Variants in TRAF2 observed in about 807,000 individuals in gnomAD.
The protein encoded by TRAF2 is TNF receptor-associated factor 2.
Under a neutral mutation model 55.6 loss-of-function variants are expected in TRAF2, and 6 were observed. That is an observed-to-expected ratio of 0.11 (90% CI 0.06 to 0.21). The LOEUF (loss-of-function observed/expected upper bound fraction) is 0.21, where lower values mean the gene tolerates loss of function less well. Ranked by LOEUF, TRAF2 falls within the 10% of genes least tolerant of loss-of-function variation. TRAF2 has a pLI of 1.00. For missense variants in TRAF2, 561 were observed against 684.5 expected, an observed-to-expected ratio of 0.82 and a Z score of 2.01; for synonymous variants, 329 against 276.3, an observed-to-expected ratio of 1.19 and a Z score of -1.89.
rs778344037 is a variant in TRAF2 at position 136,898,800 on chromosome 9, C to T, written c.60C>T (p.Ser20=). ...GSLELLQPGF[S]KTLLGTKLEA... is the part of the protein sequence containing the mutation. The stretch of plus-strand genomic sequence containing the variant: ...TGGAGTTGCTACAGCCCGGCTTCTC[C>T]AAGACCCTCCTGGGGACCAAGCTGG... The change falls in exon 2 of 11, where the codon TCC becomes TCT. Residue 20 remains serine (S), a synonymous_variant. Transcript: ENST00000247668. 1.2e-5 allele frequency: 20 copies of T among 1,613,788 alleles called. No homozygotes were observed. The highest frequency in any genetic ancestry group is 1.6e-5 in the Non-Finnish European group (19 of 1,180,038).
upstream of TRAF2, among the ~76,000 whole-genome samples, chr9:136,885,619 T>A (rs1344187660): frequency 6.6e-6 from 1 of 152,104 alleles, no homozygotes; most frequent in Non-Finnish European, 1.5e-5. Flanking sequence ...AATACAAACA[T>A]TAGCCGGGCG....
intron 5 of TRAF2, 88 bp from the exon 6 acceptor site, chr9:136,909,832 C>A: frequency 7.2e-7 from 1 of 1,386,456 alleles, no homozygotes; most frequent in Non-Finnish European, 1.0e-6. Context: ...GGCCCCTCGG[C>A]GCTGCCCAGC....
chr9:136,911,443 C>T (rs1203775922), intron 6 of TRAF2, among the ~76,000 whole-genome samples: 1 of 151,956 alleles, frequency 6.6e-6, no homozygotes, highest in Admixed American at 6.6e-5. Flanking sequence ...TTTGTATTTT[C>T]AGTAGAGATG....
chr9:136,883,465 A>G (rs949308738), upstream of TRAF2, among the ~76,000 whole-genome samples: 1 of 152,186 alleles, frequency 6.6e-6, no homozygotes. Flanking sequence ...GAAAGCTGTT[A>G]GAATGACTTT....
intron 1 of TRAF2, among the ~76,000 whole-genome samples, chr9:136,898,186 G>A (rs1849729856): frequency 6.6e-6 from 1 of 152,248 alleles, no homozygotes; most frequent in Non-Finnish European, 1.5e-5. Flanking sequence ...TCTAGGGGCT[G>A]GTCTGGCGGC....
chr9:136,915,693 G>A (rs1390534695), intron 6 of TRAF2, among the ~76,000 whole-genome samples: 1 of 152,138 alleles, frequency 6.6e-6, no homozygotes, highest in Admixed American at 6.5e-5. Context: ...GCAGAGCCTC[G>A]AGGCGGTTCT....
rs1430011620 is a variant in TRAF2, at chr9:136,921,031, C to G, written c.961-7C>G. The stretch of plus-strand genomic sequence containing the variant: ...GTAAGAGGGAAGGTGGTCTTGGCAC[C>G]CGGCAGGTGCAGCAGCTGGAGAGGA... On this transcript the variant is annotated splice_polypyrimidine_tract_variant and splice_region_variant and intron_variant, in intron 8 of 10. Transcript: ENST00000247668. The G allele has an allele frequency of 6.2e-7, 1 of 1,613,232 alleles. No individual in the cohort carries two copies. Among genetic ancestry groups the G allele is most frequent in the African/African-American group, 1.3e-5 (1 of 74,904 alleles).
Position 136,920,214 on chromosome 9 carries a change from T to G in TRAF2, c.679-20T>G. On this transcript the variant is annotated intron_variant, in intron 7 of 10. Coordinates refer to ENST00000247668, the MANE Select transcript of TRAF2 (RefSeq NM_021138.4). ...CGAATGGTGGATGGAGCCAGCAGCC[T>G]CCCTGCCCTGTGTCCGCAGGTAGAG... 1.3e-6 allele frequency: 2 copies of G among 1,594,830 alleles called. No homozygotes were observed. Among genetic ancestry groups the G allele is most frequent in the South Asian group, 2.2e-5 (2 of 89,922 alleles).
intron 7 of TRAF2, among the ~76,000 whole-genome samples, chr9:136,916,870 C>T (rs1302368822): frequency 6.6e-6 from 1 of 152,166 alleles, no homozygotes; most frequent in Admixed American, 6.6e-5. Flanking sequence ...TGTGTGTGCC[C>T]ACCTGTCGCC....
At position 136,925,745 on chromosome 9, in the gene TRAF2, C is replaced by G. The variant is rs756823534; in HGVS notation, c.1350C>G (p.Asp450Glu). 1.2e-6 allele frequency: 2 copies of G among 1,614,260 alleles called. No individual in the cohort carries two copies. Among genetic ancestry groups the G allele is most frequent in the Non-Finnish European group, 1.7e-6 (2 of 1,180,054 alleles). The change falls in exon 11 of 11, where the codon GAC (aspartate) becomes GAG (glutamate). Residue 450 changes from aspartate to glutamate, a missense_variant. Around this residue, in one of 2 missense-constraint regions of TRAF2, gnomAD observed 135 missense variants for 207.7 expected, o/e 0.65. Coordinates refer to ENST00000247668, the MANE Select transcript of TRAF2 (RefSeq NM_021138.4). ...REHVIDAFRP[D>E]VTSSSFQRPV... ...ACGTGATTGACGCCTTCAGGCCCGA[C>G]GTGACTTCATCCTCTTTTCAGAGGC...
intron 4 of TRAF2, among the ~76,000 whole-genome samples, chr9:136,902,723 G>C (rs1489690420): frequency 6.6e-6 from 1 of 152,194 alleles, no homozygotes; most frequent in Non-Finnish European, 1.5e-5. Flanking sequence ...TGTCACACAT[G>C]GGGACGGAAA....
chr9:136,912,842 ACAAGT>A lies in TRAF2; in HGVS notation c.603+2853_603+2857del, dbSNP rs1261538126. Reference sequence around the variant, plus strand: ...ACAGAGTGAGAGCCTGTCTAAAAAAACAAGTCAAGGCCAGTTGTGGTGGCTCACAT... The same window carrying A: ...ACAGAGTGAGAGCCTGTCTAAAAAAACAAGGCCAGTTGTGGTGGCTCACAT... On this transcript the variant is annotated intron_variant, in intron 6 of 10. Transcript: ENST00000247668. Among the ~76,000 whole-genome samples the A allele has an allele frequency of 2.1e-4, 32 of 152,288 alleles. No individual in the cohort carries two copies. The Middle Eastern group carries it at 0.01, about 49-fold the overall frequency.
intron 6 of TRAF2, among the ~76,000 whole-genome samples, chr9:136,910,788 C>T (rs1438298359): frequency 6.6e-6 from 1 of 152,236 alleles, no homozygotes; most frequent in African/African-American, 2.4e-5. Context: ...AGGTCACAGC[C>T]CAAGTCCTGA....
Position 136,926,129 on chromosome 9 carries a change from G to C in TRAF2, c.*228G>C, listed in dbSNP as rs562054845. On this transcript the variant is annotated 3_prime_UTR_variant, in exon 11 of 11. Transcript: ENST00000247668. ...GGGCTTGGCAGACGGTCTTAGCCAA[G>C]GGCTGTGGTGGCATTGGCCGAGGGT... The C allele has an allele frequency of 6.9e-5, 50 of 726,336 alleles. No homozygotes were observed. In the African/African-American group the frequency reaches 7.2e-4, roughly 10 times the overall value. The allele number at this position is 726,336 out of a possible 1,614,324, so 45.0% of individuals were successfully genotyped here.
rs773177141 is a variant in TRAF2, at chr9:136,898,946, G to C, written c.188+18G>C. The C allele has an allele frequency of 1.1e-5, 18 of 1,585,878 alleles. No homozygotes were observed. In the African/African-American group the frequency reaches 1.2e-4, roughly 11 times the overall value. On this transcript the variant is annotated intron_variant, in intron 2 of 10. Coordinates refer to ENST00000247668, the MANE Select transcript of TRAF2 (RefSeq NM_021138.4). ...ATCCTCAGGTGCATGGGGCCTGCAG[G>C]CTGGGAGGAGGGGCAGGCAGGCTAG...
upstream of TRAF2, chr9:136,886,386 A>G (rs1564401292): frequency 4.1e-6 from 4 of 985,032 alleles, no homozygotes; most frequent in Non-Finnish European, 4.8e-6. Flanking sequence ...AGCGGGGCGT[A>G]TCTGGCCAAT....
chr9:136,904,643 G>A (rs557423562), intron 4 of TRAF2, among the ~76,000 whole-genome samples: 2 of 152,222 alleles, frequency 1.3e-5, no homozygotes, highest in East Asian at 1.9e-4. Context: ...TCCTGAGCTC[G>A]TGATCCACCC....
rs559816825 is a variant in TRAF2 at position 136,916,595 on chromosome 9, G to A, written c.658G>A (p.Ala220Thr). The stretch of plus-strand genomic sequence containing the variant: ...GTGTCGAGTCCCTTGCAGATTCCAC[G>A]CCATCGGCTGCCTCGAGACGGTGAG... The part of the protein sequence containing the change: ...GKCRVPCRFH[A>T]IGCLETVEGE... Residue 220 changes from alanine (A) to threonine (T), a missense_variant, in exon 7 of 11, where the codon GCC becomes ACC. Physicochemically the swap from Ala to Thr is moderately conservative, Grantham distance 58. Around this residue, in one of 2 missense-constraint regions of TRAF2, gnomAD observed 426 missense variants for 476.8 expected, o/e 0.89. Transcript: ENST00000247668. 12 of 1,613,958 alleles carry A rather than the reference G, an allele frequency of 7.4e-6. No individual in the cohort carries two copies. The highest frequency in any genetic ancestry group is 4.5e-5 in the East Asian group (2 of 44,876).
intron 6 of TRAF2, among the ~76,000 whole-genome samples, chr9:136,912,224 G>A (rs1427910502): frequency 7.5e-6 from 1 of 133,928 alleles, no homozygotes; most frequent in East Asian, 2.4e-4. Context: ...GTGCAGTGGC[G>A]CAATCTCGGC....
Sources: gnomAD v4.1 joint callset for allele counts (sites outside exome capture counted in the v4.1 genomes callset) on GRCh38, gnomAD v4.1.1 for gene constraint, gnomAD v4.1.1 regional missense constraint, MANE v1.5 for transcripts, NCBI Gene and HGNC (gene_info 2026-07-23, HGNC 2026-07-21) for gene names.